Variants in CRPPA observed in about 807,000 individuals in gnomAD.
CRPPA encodes CDP-L-ribitol pyrophosphorylase A.
CRPPA carries 43 observed loss-of-function variants against 52.0 expected under a neutral mutation model. That is an observed-to-expected ratio of 0.83 (90% confidence interval 0.65 to 1.07). CRPPA has a LOEUF of 1.07. CRPPA is among the 50% of genes least tolerant of loss of function. The pLI, the probability that CRPPA is intolerant of heterozygous loss-of-function variation, is 0.00. For missense variants in CRPPA, 629 were observed against 551.7 expected (o/e 1.14, Z -1.40); for synonymous variants, 250 against 203.5 (o/e 1.23, Z -1.94).
intron 9 of CRPPA, among the ~76,000 whole-genome samples, chr7:16,148,124 T>C (rs549646478): frequency 2.6e-5 from 4 of 152,290 alleles, no homozygotes; most frequent in African/African-American, 9.6e-5. Flanking sequence ...TATAGGATGT[T>C]AAAAATTGTT....
chr7:16,336,006 T>C (rs1271175021), intron 3 of CRPPA, among the ~76,000 whole-genome samples: 2 of 152,158 alleles, frequency 1.3e-5, no homozygotes, highest in Non-Finnish European at 2.9e-5. Flanking sequence ...AAGAATACTT[T>C]GCATGGCAAA....
rs1236060681 is a variant in CRPPA, at chr7:16,406,344, G to T, written c.258-7C>A. ...GTCCTTTATCCAACATACTCTAAAA[G>T]GAAAGTATATGTACAATTCGTAAAT... is the stretch of plus-strand genomic sequence containing the variant. On this transcript the variant is annotated splice_region_variant and splice_polypyrimidine_tract_variant and intron_variant, in intron 1 of 9. Coordinates refer to ENST00000407010, the MANE Select transcript of CRPPA (RefSeq NM_001101426.4). 1.2e-6 allele frequency: 2 copies of T among 1,610,454 alleles called. No homozygotes were observed. The highest frequency in any genetic ancestry group is 2.2e-5 in the South Asian group (2 of 90,816).
At chr7:16,258,229 A>G (rs1169641027) in intron 8 of CRPPA, among the ~76,000 whole-genome samples, 161 bp downstream of exon 8, 1 of 152,122 alleles carries the variant, frequency 6.6e-6, no homozygotes, top group African/African-American at 2.4e-5. Context: ...GCATTCAGTC[A>G]TAGAAGTCAT....
chr7:16,196,104 CAT>C (rs150612890), intron 9 of CRPPA, among the ~76,000 whole-genome samples: 9,625 of 152,198 alleles, frequency 0.063, 386 homozygotes, highest in East Asian at 0.14. Flanking sequence ...TATATACAAA[CAT>C]GTGTATAGAA....
intron 9 of CRPPA, among the ~76,000 whole-genome samples, chr7:16,204,954 G>C (rs1311321812): frequency 1.3e-5 from 2 of 152,048 alleles, no homozygotes; most frequent in African/African-American, 2.4e-5. Context: ...ATAATTCAAA[G>C]ACCTAGAGGA....
At chr7:16,417,626 G>C (rs1788226377) in intron 1 of CRPPA, among the ~76,000 whole-genome samples, 1 of 152,058 alleles carries the variant, frequency 6.6e-6, no homozygotes, top group Non-Finnish European at 1.5e-5. Context: ...CAGACACTGG[G>C]GATCACTAGA....
In CRPPA at chr7:16,091,560, G is replaced by A. The variant is rs1781837367; in HGVS notation, c.*135C>T. On this transcript the variant is annotated 3_prime_UTR_variant, in exon 10 of 10. Transcript: ENST00000407010. ...AACATTAATCTGCTTTATAATCTAA[G>A]CATCACATCCTACAAATTATAGAGA... 7 of 590,040 alleles carry A rather than the reference G, an allele frequency of 1.2e-5. No homozygotes were observed. The South Asian group carries it at 1.5e-4, about 13-fold the overall frequency. 36.6% of individuals were successfully genotyped at this position (590,040 alleles called of 1,614,324 possible).
chr7:16,266,372 T>C (rs924963360), intron 6 of CRPPA: 3 of 152,228 alleles, frequency 2.0e-5, no homozygotes, highest in Admixed American at 2.0e-4. Flanking sequence ...AGCCAACTAT[T>C]GTTCTAATGC....
chr7:16,157,183 ATT>A (rs71007748), intron 9 of CRPPA, among the ~76,000 whole-genome samples: 272 of 142,582 alleles, frequency 1.9e-3, no homozygotes, highest in Middle Eastern at 3.6e-3. Flanking sequence ...AAATGCTGCA[ATT>A]TTTTTTTTTT....
At chr7:16,135,901 T>C (rs1389240542) in intron 9 of CRPPA, among the ~76,000 whole-genome samples, 3 of 152,160 alleles carry the variant, frequency 2.0e-5, no homozygotes, top group Admixed American at 2.0e-4. Flanking sequence ...TGAAAATTCT[T>C]ACAGTGTCCT....
intron 5 of CRPPA, among the ~76,000 whole-genome samples, chr7:16,284,825 T>C (rs1319888383): frequency 2.0e-5 from 3 of 152,024 alleles, no homozygotes; most frequent in Non-Finnish European, 4.4e-5. Context: ...GGATGGCAAT[T>C]AAGATTGTCT....
intron 3 of CRPPA, among the ~76,000 whole-genome samples, chr7:16,366,764 A>AT (rs1427022118): frequency 1.3e-5 from 2 of 151,420 alleles, no homozygotes; most frequent in African/African-American, 4.9e-5. Context: ...AATTGAGAGA[A>AT]TTAAAAAAAA....
At chr7:16,399,193 CTGACA>C (rs1269283856) in intron 2 of CRPPA, among the ~76,000 whole-genome samples, 1 of 152,234 alleles carries the variant, frequency 6.6e-6, no homozygotes, top group East Asian at 1.9e-4. Flanking sequence ...ATTCACACGA[CTGACA>C]TGACCAACAC....
rs1320230850 is a variant in CRPPA at position 16,133,117 on chromosome 7, C to G, written c.1252-41318G>C. On this transcript the variant is annotated intron_variant, in intron 9 of 9. Transcript: ENST00000407010. ...AGCACTTGAGGTCAGGAGTTCAAGACTAGCCTGGACAACATGGTGAAATCC... is the reference window on the plus strand; with the variant it reads ...AGCACTTGAGGTCAGGAGTTCAAGAGTAGCCTGGACAACATGGTGAAATCC... Among the ~76,000 whole-genome samples the G allele has an allele frequency of 2.0e-4, 25 of 122,576 alleles. 8 individuals are homozygous for G. Among genetic ancestry groups the G allele is most frequent in the Non-Finnish European group, 4.6e-4 (25 of 54,164 alleles). 80.4% of individuals were successfully genotyped at this position (122,576 alleles called of 152,430 possible). A position where few individuals can be genotyped will look rare whatever the true frequency, so the allele number is the denominator to read the frequency against.
At chr7:16,346,532 G>A (rs1562645369) in intron 3 of CRPPA, among the ~76,000 whole-genome samples, 1 of 150,888 alleles carries the variant, frequency 6.6e-6, no homozygotes, top group South Asian at 2.1e-4. Context: ...AAAAAAAAAT[G>A]ATAAGAAAAG....
chr7:16,340,555 G>A (rs1467667438), intron 3 of CRPPA, among the ~76,000 whole-genome samples: 5 of 148,326 alleles, frequency 3.4e-5, no homozygotes, highest in African/African-American at 7.5e-5. Flanking sequence ...AATACAAATG[G>A]CCAAAATCCA....
At chr7:16,164,598 C>T (rs565101430) in intron 9 of CRPPA, among the ~76,000 whole-genome samples, 18 of 152,078 alleles carry the variant, frequency 1.2e-4, no homozygotes, top group African/African-American at 3.1e-4. Context: ...TTCTGGTTTT[C>T]GGACTTTTCA....
At chr7:16,347,170 A>G (rs1192215403) in intron 3 of CRPPA, among the ~76,000 whole-genome samples, 2 of 152,126 alleles carry the variant, frequency 1.3e-5, no homozygotes, top group African/African-American at 4.8e-5. Flanking sequence ...TTATCAGACA[A>G]GGAAACTAAG....
chr7:16,181,357 G>A (rs1320057752), intron 9 of CRPPA, among the ~76,000 whole-genome samples: 1 of 151,786 alleles, frequency 6.6e-6, no homozygotes, highest in Non-Finnish European at 1.5e-5. Flanking sequence ...TCATTAAAAT[G>A]TTCTAATAAG....
Sources: gnomAD v4.1 joint callset for allele counts (sites outside exome capture counted in the v4.1 genomes callset) on GRCh38, gnomAD v4.1.1 for gene constraint, MANE v1.5 for transcripts, NCBI Gene and HGNC (gene_info 2026-07-23, HGNC 2026-07-21) for gene names.